Variants in IPCEF1 observed in about 807,000 individuals in gnomAD.
IPCEF1 encodes interaction protein for cytohesin exchange factors 1.
In IPCEF1, 31 loss-of-function variants were observed where a neutral mutation model predicts 50.9. That is an observed-to-expected ratio of 0.61 (90% CI 0.46 to 0.82). The LOEUF is 0.82. Among genes scored for constraint, IPCEF1 ranks in the 40% least tolerant of loss-of-function variants. The probability of loss-of-function intolerance (pLI) is 0.00; values close to 1 mark genes in which losing one functional copy is unlikely to be tolerated. For missense variants in IPCEF1, 458 were observed against 514.0 expected, an observed-to-expected ratio of 0.89 and a Z score of 1.05; for synonymous variants, 181 against 192.0, an observed-to-expected ratio of 0.94 and a Z score of 0.47.
chr6:154,299,475 ATAGATGAAGC>A (rs1430315101), intron 1 of IPCEF1, among the ~76,000 whole-genome samples: 1 of 141,930 alleles, frequency 7.0e-6, no homozygotes, highest in Non-Finnish European at 1.6e-5. Context: ...TTGCAGGGAC[ATAGATGAAGC>A]TGGAAACCAT....
intron 10 of IPCEF1, among the ~76,000 whole-genome samples, chr6:154,183,327 A>G (rs1801062353): frequency 6.6e-6 from 1 of 152,186 alleles, no homozygotes; most frequent in African/African-American, 2.4e-5. Context: ...CGCTATGACT[A>G]TTATCTACTG....
At chr6:154,303,845 C>T (rs1045285075) in intron 1 of IPCEF1, among the ~76,000 whole-genome samples, 13 of 152,162 alleles carry the variant, frequency 8.5e-5, no homozygotes, top group East Asian at 1.9e-4. Context: ...TGCTTGAGCC[C>T]GGGAGGTCAA....
chr6:154,188,612 C>T (rs1387691988), intron 10 of IPCEF1, among the ~76,000 whole-genome samples: 1 of 152,092 alleles, frequency 6.6e-6, no homozygotes, highest in East Asian at 1.9e-4. Context: ...AGTAGGAAAA[C>T]ATGTGTTACC....
intron 10 of IPCEF1, among the ~76,000 whole-genome samples, chr6:154,175,700 A>T (rs1436708563): frequency 4.6e-5 from 7 of 152,212 alleles, no homozygotes; most frequent in African/African-American, 1.7e-4. Context: ...AACCAAAAAA[A>T]ATCCAGGACC....
At chr6:154,173,573 T>C (rs1800051719) in intron 10 of IPCEF1, among the ~76,000 whole-genome samples, 1 of 152,116 alleles carries the variant, frequency 6.6e-6, no homozygotes, top group African/African-American at 2.4e-5. Context: ...AGGGGATCAG[T>C]GATTGAAGAT....
At chr6:154,180,782 T>C (rs1383885948) in intron 10 of IPCEF1, among the ~76,000 whole-genome samples, 1 of 152,214 alleles carries the variant, frequency 6.6e-6, no homozygotes, top group African/African-American at 2.4e-5. Context: ...TCATATGCCA[T>C]ATTTCTTATC....
rs529455621 is a variant in IPCEF1 at position 154,319,755 on chromosome 6, G to T, written c.-61-29999C>A. On this transcript the variant is annotated intron_variant, in intron 1 of 11. Coordinates refer to ENST00000367220, the MANE Select transcript of IPCEF1 (RefSeq NM_001130700.2). ...GGGTGTGATACTTCAAGATTAGCAA[G>T]ATCGTGTTTGAATGCACTCCCTGCC... Among the ~76,000 whole-genome samples the T allele has an allele frequency of 1.5e-4, 23 of 152,356 alleles. No individual in the cohort carries two copies. In the East Asian group the frequency reaches 3.9e-3, roughly 26 times the overall value.
intron 1 of IPCEF1, among the ~76,000 whole-genome samples, chr6:154,317,362 A>G (rs1783247062): frequency 6.6e-6 from 1 of 151,984 alleles, no homozygotes; most frequent in Non-Finnish European, 1.5e-5. Flanking sequence ...AGCCTGGCCA[A>G]CACAGTGAAA....
chr6:154,225,829 C>T (rs1779204934), intron 5 of IPCEF1, among the ~76,000 whole-genome samples: 1 of 152,198 alleles, frequency 6.6e-6, no homozygotes, highest in South Asian at 2.1e-4. Flanking sequence ...ATCACTTAGA[C>T]TCAGCATTTG....
At chr6:154,330,145 T>A (rs991406775) in intron 1 of IPCEF1, 1 of 152,040 alleles carries the variant, frequency 6.6e-6, no homozygotes, top group Admixed American at 6.6e-5. Context: ...GATAATCTTC[T>A]CGGATAGAGC....
At chr6:154,264,992 C>T (rs1781717669) in intron 3 of IPCEF1, among the ~76,000 whole-genome samples, 1 of 152,192 alleles carries the variant, frequency 6.6e-6, no homozygotes, top group Admixed American at 6.6e-5. Context: ...CCTCCCAACA[C>T]ACCACTTCTG....
intron 1 of IPCEF1, among the ~76,000 whole-genome samples, chr6:154,331,328 AG>A (rs1783654438): frequency 6.7e-6 from 1 of 148,424 alleles, no homozygotes; most frequent in African/African-American, 2.6e-5. Flanking sequence ...AAGAAGAAGA[AG>A]GGAGGAAGGG....
intron 2 of IPCEF1, among the ~76,000 whole-genome samples, chr6:154,289,144 A>C (rs933920502): frequency 3.9e-5 from 6 of 152,174 alleles, no homozygotes; most frequent in African/African-American, 1.4e-4. Context: ...TTTATAATAG[A>C]AAATCAGAGT....
chr6:154,301,375 C>G (rs1782791444), intron 1 of IPCEF1, among the ~76,000 whole-genome samples: 1 of 152,100 alleles, frequency 6.6e-6, no homozygotes, highest in Admixed American at 6.6e-5. Context: ...CTCTTGGGCA[C>G]AAGGGTTGAG....
At chr6:154,192,151 T>C (rs1801946682) in intron 10 of IPCEF1, among the ~76,000 whole-genome samples, 1 of 152,238 alleles carries the variant, frequency 6.6e-6, no homozygotes, top group Non-Finnish European at 1.5e-5. Flanking sequence ...CTGGCCATGA[T>C]GTATGCCTAT....
intron 1 of IPCEF1, among the ~76,000 whole-genome samples, chr6:154,318,833 A>G (rs1783297876): frequency 6.6e-6 from 1 of 152,116 alleles, no homozygotes; most frequent in Admixed American, 6.6e-5. Context: ...TAATTTCATC[A>G]TCTGGAACCT....
chr6:154,316,901 T>C (rs1783233724), intron 1 of IPCEF1, among the ~76,000 whole-genome samples: 1 of 152,148 alleles, frequency 6.6e-6, no homozygotes, highest in South Asian at 2.1e-4. Flanking sequence ...AATTAATTAG[T>C]TAATTGGAAT....
At chr6:154,324,119 A>G (rs1182089037) in intron 1 of IPCEF1, among the ~76,000 whole-genome samples, 1 of 152,248 alleles carries the variant, frequency 6.6e-6, no homozygotes, top group Non-Finnish European at 1.5e-5. Flanking sequence ...AAATAAATGC[A>G]TAAATACACT....
At position 154,187,444 on chromosome 6, in the gene IPCEF1, G is replaced by A. The variant is rs7753376; in HGVS notation, c.910+12224C>T. 5.6e-3 allele frequency among the ~76,000 whole-genome samples: 848 copies of A among 152,224 alleles called. 10 individuals carry two copies. Among genetic ancestry groups the A allele is most frequent in the African/African-American group, 0.02 (819 of 41,532 alleles). On this transcript the variant is annotated intron_variant, in intron 10 of 11. Transcript: ENST00000367220. ...TTGCCCAGCTCATGGCATGGTGCTT[G>A]GCATATAAAAAGCACTTGACAAATA...
Sources: gnomAD v4.1 joint callset for allele counts (sites outside exome capture counted in the v4.1 genomes callset) on GRCh38, gnomAD v4.1.1 for gene constraint, MANE v1.5 for transcripts, NCBI Gene and HGNC (gene_info 2026-07-23, HGNC 2026-07-21) for gene names.